Variants in SLIT2 observed in about 807,000 individuals in gnomAD.
The protein encoded by SLIT2 is slit guidance ligand 2, also known as slit homolog 2 protein.
SLIT2 carries 41 observed loss-of-function variants against 185.7 expected under a neutral mutation model. The observed-to-expected ratio is 0.22, with a 90% CI of 0.17 to 0.29. SLIT2 has a LOEUF of 0.29. Among genes scored for constraint, SLIT2 ranks in the 10% least tolerant of loss-of-function variants. The probability of loss-of-function intolerance (pLI) is 1.00; values close to 1 mark genes in which losing one functional copy is unlikely to be tolerated. For missense variants in SLIT2, 1,571 were observed against 1,909.0 expected, an observed-to-expected ratio of 0.82 and a Z score of 3.30; for synonymous variants, 693 against 680.2, an observed-to-expected ratio of 1.02 and a Z score of -0.29.
Position 20,590,031 on chromosome 4 carries a change from A to G in SLIT2, c.3182+294A>G, listed in dbSNP as rs866916392. Reference sequence around the variant, plus strand: ...CGCCATTCTCCTGCCTCAGCCTCCCAAGTAGCTGGGACTACAGGCGCCCGC... The same window carrying G: ...CGCCATTCTCCTGCCTCAGCCTCCCGAGTAGCTGGGACTACAGGCGCCCGC... On this transcript the variant is annotated intron_variant, in intron 30 of 36. Transcript: ENST00000504154. Among the ~76,000 whole-genome samples the G allele has an allele frequency of 1.5e-4, 22 of 144,698 alleles. No homozygotes were observed. The South Asian group carries it at 4.2e-3, about 28-fold the overall frequency. 94.9% of individuals were successfully genotyped at this position (144,698 alleles called of 152,430 possible). A position where few individuals can be genotyped will look rare whatever the true frequency, so the allele number is the denominator to read the frequency against.
Position 20,528,165 on chromosome 4 carries a change from G to A in SLIT2, c.1463-784G>A. The A allele has an allele frequency of 2.1e-6, 1 of 481,542 alleles. No homozygotes were observed. The highest frequency in any genetic ancestry group is 4.3e-6 in the Non-Finnish European group (1 of 234,254). The allele number at this position is 481,542 out of a possible 1,614,324, so 29.8% of individuals were successfully genotyped here. On this transcript the variant is annotated intron_variant, in intron 15 of 36. Transcript: ENST00000504154. This position sits in a 1 kb window ranked among gnomAD's most constrained non-coding sequence, Gnocchi z 4.2. ...TACTGTGGTCATAAACATTCTGCGG[G>A]AAGAATGCATGTCATGTAAACAGTA...
chr4:20,426,307 A>T (rs191506390), intron 4 of SLIT2, among the ~76,000 whole-genome samples: 6 of 152,220 alleles, frequency 3.9e-5, no homozygotes, highest in Admixed American at 3.9e-4. Flanking sequence ...TAGAAGGGGA[A>T]GATTTATAAA....
chr4:20,472,411 T>TATAG (rs1715379618), intron 5 of SLIT2, among the ~76,000 whole-genome samples: 3 of 54,204 alleles, frequency 5.5e-5, no homozygotes, highest in Non-Finnish European at 6.2e-5. Context: ...TAGATATCTA[T>TATAG]ATATCTATAT....
At chr4:20,555,669 G>T (rs1475836772) in intron 26 of SLIT2, among the ~76,000 whole-genome samples, 1 of 151,954 alleles carries the variant, frequency 6.6e-6, no homozygotes, top group African/African-American at 2.4e-5. Flanking sequence ...TTTTTAATTT[G>T]GCCTCTAATC....
In SLIT2 at chr4:20,484,210, C is replaced by G. The variant is rs1716982555; in HGVS notation, c.540-1990C>G. ...ATTCCCAAAGTCATATTTCAGAATG[C>G]TATATACTATAAAGATTTTAGCCAT... On this transcript the variant is annotated intron_variant, in intron 6 of 36. Coordinates refer to ENST00000504154, the MANE Select transcript of SLIT2 (RefSeq NM_004787.4). The surrounding 1 kb of genome is among the most constrained non-coding windows in gnomAD (Gnocchi z 4.3). 6.6e-6 allele frequency among the ~76,000 whole-genome samples: 1 copy of G among 152,002 alleles called. No homozygotes were observed. Among genetic ancestry groups the G allele is most frequent in the African/African-American group, 2.4e-5 (1 of 41,412 alleles).
intron 4 of SLIT2, among the ~76,000 whole-genome samples, chr4:20,400,986 G>A (rs1351986984): frequency 6.6e-6 from 1 of 151,788 alleles, no homozygotes; most frequent in Non-Finnish European, 1.5e-5. Context: ...GTTTAGGGTT[G>A]GAGCTACTTA....
rs1553908801 is a variant in SLIT2, at chr4:20,472,564, CTATA to C, written c.467+4746_467+4749del. Among the ~76,000 whole-genome samples the C allele has an allele frequency of 4.3e-4, 2 of 4,662 alleles. 1 individual carries two copies. The highest frequency in any genetic ancestry group is 6.2e-4 in the Non-Finnish European group (2 of 3,232). The allele number at this position is 4,662 out of a possible 152,430, so 3.1% of individuals were successfully genotyped here. On this transcript the variant is annotated intron_variant, in intron 5 of 36. Transcript: ENST00000504154. ...TCTATATCTATATATAGATATATAT[CTATA>C]TATAGATATATCTATATATAGATAT...
intron 11 of SLIT2, among the ~76,000 whole-genome samples, chr4:20,511,511 T>C (rs1254177502): frequency 4.3e-5 from 6 of 140,804 alleles, no homozygotes; most frequent in Non-Finnish European, 9.1e-5. Context: ...AAGCTTCACC[T>C]CCTGGGTTCA....
rs992357600 is a variant in SLIT2 at position 20,484,579 on chromosome 4, G to C, written c.540-1621G>C. Among the ~76,000 whole-genome samples, 2 of 152,124 alleles carry C rather than the reference G, an allele frequency of 1.3e-5. No individual in the cohort carries two copies. The highest frequency in any genetic ancestry group is 2.4e-5 in the African/African-American group (1 of 41,446). On this transcript the variant is annotated intron_variant, in intron 6 of 36. Coordinates refer to ENST00000504154, the MANE Select transcript of SLIT2 (RefSeq NM_004787.4). The surrounding 1 kb of genome is among the most constrained non-coding windows in gnomAD (Gnocchi z 4.3). ...CTGACATGCCCTGTTTTACTGAAAA[G>C]TTTTTGTCAATCTCTTGACCTCTGA...
At chr4:20,309,966 T>C (rs1478636364) in intron 4 of SLIT2, among the ~76,000 whole-genome samples, 1 of 151,988 alleles carries the variant, frequency 6.6e-6, no homozygotes, top group Non-Finnish European at 1.5e-5. Context: ...CTTCACCATG[T>C]TAGCCAGGAT....
At chr4:20,556,624 A>C (rs1187007519) in intron 26 of SLIT2, among the ~76,000 whole-genome samples, 4 of 152,018 alleles carry the variant, frequency 2.6e-5, no homozygotes, top group African/African-American at 9.7e-5. Context: ...CTGAGACCCA[A>C]CAATACTGAA....
chr4:20,371,321 G>C lies in SLIT2; in HGVS notation c.396-96431G>C, dbSNP rs142848691. Among the ~76,000 whole-genome samples, 238 of 151,954 alleles carry C rather than the reference G, an allele frequency of 1.6e-3. 1 individual carries two copies. The highest frequency in any genetic ancestry group is 0.015 in the South Asian group (70 of 4,816). ...CTTAACACAAATGCACATCCTCATA[G>C]AGACTCAGATACCACTCCACCACAC... On this transcript the variant is annotated intron_variant, in intron 4 of 36. Coordinates refer to ENST00000504154, the MANE Select transcript of SLIT2 (RefSeq NM_004787.4).
At chr4:20,550,617 C>A (rs182429326) in intron 24 of SLIT2, among the ~76,000 whole-genome samples, 11 of 151,812 alleles carry the variant, frequency 7.2e-5, no homozygotes, top group Admixed American at 6.6e-4. Flanking sequence ...ACATTTAATT[C>A]TTCATTCTGG....
At chr4:20,609,185 T>G (rs1729023035) in intron 33 of SLIT2, among the ~76,000 whole-genome samples, 1 of 152,182 alleles carries the variant, frequency 6.6e-6, no homozygotes. Context: ...TTTTTAATCC[T>G]CATTTTCCAT....
chr4:20,538,670 T>TTGGA (rs1722520604), intron 18 of SLIT2, among the ~76,000 whole-genome samples: 2 of 151,984 alleles, frequency 1.3e-5, no homozygotes, highest in Non-Finnish European at 2.9e-5. Flanking sequence ...AGCTTTTTGT[T>TTGGA]CAGTTTTTAA....
intron 5 of SLIT2, among the ~76,000 whole-genome samples, chr4:20,470,484 C>CTGTGTGTGTGTGTGTGTGTGTG (rs540814034): frequency 7.7e-6 from 1 of 129,216 alleles, no homozygotes; most frequent in Non-Finnish European, 1.6e-5. Flanking sequence ...GCAGTGGAGT[C>CTGTGTGTGTGTGTGTGTGTGTG]TGTGTGTGTG....
intron 3 of SLIT2, 26 bp downstream of exon 3, chr4:20,257,965 T>C (rs368586329): frequency 5.5e-6 from 6 of 1,090,760 alleles, no homozygotes; most frequent in Non-Finnish European, 8.3e-6. Context: ...TCCAAAGTTA[T>C]GACAACATAA....
intron 4 of SLIT2, among the ~76,000 whole-genome samples, chr4:20,274,262 T>C (rs888160711): frequency 9.2e-5 from 14 of 152,168 alleles, no homozygotes; most frequent in Non-Finnish European, 1.6e-4. Context: ...AATTACTTAT[T>C]GGGCCCAAGG....
At chr4:20,546,246 C>A in intron 22 of SLIT2, 147 bp downstream of exon 22, 1 of 498,896 alleles carries the variant, frequency 2.0e-6, no homozygotes. Context: ...GTTCTGGACC[C>A]CTGGCTACAT....
Sources: allele counts gnomAD v4.1 joint callset (sites outside exome capture counted in the v4.1 genomes callset), GRCh38; gene constraint gnomAD v4.1.1; non-coding constraint Gnocchi (gnomAD v3.1); transcripts MANE v1.5; gene names NCBI Gene and HGNC (gene_info 2026-07-23, HGNC 2026-07-21).